Variants in GRM5 observed in about 807,000 individuals in gnomAD.
GRM5 encodes the protein metabotropic glutamate receptor 5.
Under a neutral mutation model 83.1 loss-of-function variants are expected in GRM5, and 19 were observed. That is an observed-to-expected ratio of 0.23 (90% CI 0.16 to 0.34). The LOEUF is 0.34. Among genes scored for constraint, GRM5 ranks in the 10% least tolerant of loss-of-function variants. The probability of loss-of-function intolerance (pLI) is 1.00; values close to 1 mark genes in which losing one functional copy is unlikely to be tolerated. For missense variants in GRM5, 1,160 were observed against 1,588.3 expected (o/e 0.73, Z 4.58); for synonymous variants, 675 against 633.6 (o/e 1.07, Z -0.98).
intron 9 of GRM5, among the ~76,000 whole-genome samples, chr11:88,510,530 T>C (rs532291024): frequency 1.3e-5 from 2 of 152,126 alleles, no homozygotes; most frequent in Non-Finnish European, 2.9e-5. Context: ...TATTTTTTGT[T>C]TTTTAGACGG....
chr11:88,731,172 C>T (rs1386334867), intron 3 of GRM5, among the ~76,000 whole-genome samples: 1 of 151,994 alleles, frequency 6.6e-6, no homozygotes, highest in Admixed American at 6.6e-5. Context: ...ATGATACACA[C>T]TTATCATATG....
At chr11:89,040,642 AG>A (rs1303752433) in intron 2 of GRM5, among the ~76,000 whole-genome samples, 1 of 152,196 alleles carries the variant, frequency 6.6e-6, no homozygotes, top group Non-Finnish European at 1.5e-5. Flanking sequence ...TTGAGACTGC[AG>A]TGATCTATGA....
At chr11:88,754,507 AAAC>A (rs1395622170) in intron 3 of GRM5, among the ~76,000 whole-genome samples, 1 of 152,174 alleles carries the variant, frequency 6.6e-6, no homozygotes, top group Non-Finnish European at 1.5e-5. Flanking sequence ...TGTGGCAGGA[AAAC>A]AACATTGAAT....
chr11:88,682,839 C>T (rs1940528774), intron 3 of GRM5, among the ~76,000 whole-genome samples: 1 of 151,646 alleles, frequency 6.6e-6, no homozygotes, highest in Admixed American at 6.6e-5. Context: ...TCTTCCCTTT[C>T]TCTTCACCTT....
chr11:88,736,643 A>T (rs1941920039), intron 3 of GRM5, among the ~76,000 whole-genome samples: 1 of 152,040 alleles, frequency 6.6e-6, no homozygotes, highest in Admixed American at 6.6e-5. Flanking sequence ...GGCATTTTTC[A>T]TGGTGCCTCC....
intron 8 of GRM5, among the ~76,000 whole-genome samples, chr11:88,543,928 G>A (rs1356849113): frequency 1.3e-5 from 2 of 152,120 alleles, no homozygotes; most frequent in Admixed American, 6.6e-5. Flanking sequence ...GTATTAAGAG[G>A]TGGGACATTT....
At chr11:88,774,618 C>T (rs535662324) in intron 3 of GRM5, among the ~76,000 whole-genome samples, 17 of 152,192 alleles carry the variant, frequency 1.1e-4, no homozygotes, top group Non-Finnish European at 2.2e-4. Context: ...TTTTGAGATA[C>T]GTTCCATCAA....
chr11:88,963,834 C>T (rs1054702733), intron 2 of GRM5, among the ~76,000 whole-genome samples: 2 of 152,154 alleles, frequency 1.3e-5, no homozygotes, highest in East Asian at 1.9e-4. Context: ...AAGCTGAAAA[C>T]TCTCAGTACA....
intron 4 of GRM5, among the ~76,000 whole-genome samples, chr11:88,617,599 C>T (rs1938519893): frequency 6.6e-6 from 1 of 152,126 alleles, no homozygotes; most frequent in Non-Finnish European, 1.5e-5. Flanking sequence ...AGCTAAGCCC[C>T]CAGGTAACCC....
At chr11:88,707,316 A>G (rs1392076258) in intron 3 of GRM5, among the ~76,000 whole-genome samples, 2 of 152,144 alleles carry the variant, frequency 1.3e-5, no homozygotes, top group Non-Finnish European at 2.9e-5. Flanking sequence ...GTTCTATATA[A>G]GTATATCCTA....
At chr11:88,786,145 A>C (rs1943063951) in intron 3 of GRM5, among the ~76,000 whole-genome samples, 1 of 152,154 alleles carries the variant, frequency 6.6e-6, no homozygotes, top group African/African-American at 2.4e-5. Flanking sequence ...TGATCTGAGA[A>C]ATAGATGATA....
At chr11:88,978,454 T>C (rs530003769) in intron 2 of GRM5, among the ~76,000 whole-genome samples, 1 of 96,404 alleles carries the variant, frequency 1.0e-5, no homozygotes, top group African/African-American at 3.6e-5. Context: ...TACAGTAACA[T>C]TAACAACAGC....
intron 2 of GRM5, among the ~76,000 whole-genome samples, chr11:88,990,492 A>C (rs1939926144): frequency 1.3e-5 from 2 of 151,606 alleles, no homozygotes; most frequent in Admixed American, 6.6e-5. Context: ...AAAAGAGGGA[A>C]TCCTCCCTAA....
At chr11:88,963,111 A>G (rs1938834685) in intron 2 of GRM5, among the ~76,000 whole-genome samples, 1 of 152,140 alleles carries the variant, frequency 6.6e-6, no homozygotes, top group South Asian at 2.1e-4. Context: ...AAAACAAACA[A>G]ACAAAAAAAA....
intron 2 of GRM5, among the ~76,000 whole-genome samples, chr11:88,993,536 C>T (rs1277961224): frequency 6.6e-6 from 1 of 152,076 alleles, no homozygotes; most frequent in East Asian, 1.9e-4. Context: ...TGTGATGCCT[C>T]CAGCTTTGAT....
chr11:88,560,492 A>T (rs11020411), intron 8 of GRM5, among the ~76,000 whole-genome samples: 2,497 of 152,250 alleles, frequency 0.016, 30 homozygotes, highest in East Asian at 0.043. Flanking sequence ...GCTGCTGAGT[A>T]GGCATTCAAT....
At chr11:88,754,557 T>C (rs997328041) in intron 3 of GRM5, among the ~76,000 whole-genome samples, 1 of 152,168 alleles carries the variant, frequency 6.6e-6, no homozygotes, top group Non-Finnish European at 1.5e-5. Flanking sequence ...TACTCAAAGG[T>C]AGGCACTTGA....
Position 88,927,364 on chromosome 11 carries a change from T to A in GRM5, c.662-77209A>T, listed in dbSNP as rs555160484. ...GATTCTTTTGACTGTTTGGCATCAT[T>A]ATTTTGAATTTGCAATGTGAATGAG... is the stretch of plus-strand genomic sequence containing the variant. On this transcript the variant is annotated intron_variant, in intron 2 of 9. Coordinates refer to ENST00000305447, the MANE Select transcript of GRM5 (RefSeq NM_001143831.3). 3.9e-5 allele frequency among the ~76,000 whole-genome samples: 6 copies of A among 152,246 alleles called. No individual in the cohort carries two copies. In the South Asian group the frequency reaches 1.2e-3, roughly 32 times the overall value.
Position 88,509,310 on chromosome 11 carries a change from A to G in GRM5, c.2921T>C (p.Val974Ala). ...GCAGCCCGCACCGCCCGTGGCCCCC[A>G]CGCCCCCAGCGCTCCCGCCTGCGCC... ...GAGAGGSAGG[V>A]GATGGAGCAG... is the part of the protein sequence containing the mutation. The change falls in exon 10 of 10, where the codon GTG (valine) becomes GCG (alanine). Residue 974 changes from valine (V) to alanine (A), a missense_variant. Val to Ala is a moderately conservative substitution (Grantham distance 64, BLOSUM62 0). Around this residue, in one of 9 missense-constraint regions of GRM5, gnomAD observed 562 missense variants for 532.4 expected, o/e 1.06. Coordinates refer to ENST00000305447, the MANE Select transcript of GRM5 (RefSeq NM_001143831.3). The G allele has an allele frequency of 1.3e-6, 2 of 1,567,892 alleles. No individual in the cohort carries two copies. The highest frequency in any genetic ancestry group is 1.7e-6 in the Non-Finnish European group (2 of 1,159,930).
Sources: gnomAD v4.1 joint callset for allele counts (sites outside exome capture counted in the v4.1 genomes callset) on GRCh38, gnomAD v4.1.1 for gene constraint, gnomAD v4.1.1 regional missense constraint, MANE v1.5 for transcripts, NCBI Gene and HGNC (gene_info 2026-07-23, HGNC 2026-07-21) for gene names.